Variants in SGIP1 observed in about 807,000 individuals in gnomAD.
The protein encoded by SGIP1 is SH3GL interacting endocytic adaptor 1.
SGIP1 carries 38 observed loss-of-function variants against 107.5 expected under a neutral mutation model. That is an observed-to-expected ratio of 0.35 (90% CI 0.27 to 0.46). The LOEUF is 0.46. Ranked by LOEUF, SGIP1 falls within the 20% of genes least tolerant of loss-of-function variation. SGIP1 has a pLI of 1.00. For synonymous variants in SGIP1, 365 were observed against 366.1 expected, an observed-to-expected ratio of 1.00 and a Z score of 0.03; for missense variants, 929 against 1,019.5, an observed-to-expected ratio of 0.91 and a Z score of 1.21.
chr1:66,648,082 A>T (rs2077983225), intron 7 of SGIP1, among the ~76,000 whole-genome samples: 1 of 152,172 alleles, frequency 6.6e-6, no homozygotes, highest in Non-Finnish European at 1.5e-5. Context: ...AAACTCAGGA[A>T]CTAGTAGGAG....
At chr1:66,591,359 G>A (rs953195431) in intron 1 of SGIP1, among the ~76,000 whole-genome samples, 2 of 152,162 alleles carry the variant, frequency 1.3e-5, no homozygotes, top group Non-Finnish European at 2.9e-5. Flanking sequence ...AATGATCTAG[G>A]TGATGAACAC....
At position 66,679,862 on chromosome 1, in the gene SGIP1, A is replaced by G. The variant is rs565133002; in HGVS notation, c.814+110A>G. 9 of 986,342 alleles carry G rather than the reference A, an allele frequency of 9.1e-6. No individual in the cohort carries two copies. The African/African-American group carries it at 1.2e-4, about 13-fold the overall frequency. The allele number at this position is 986,342 out of a possible 1,614,324, so 61.1% of individuals were successfully genotyped here. On this transcript the variant is annotated intron_variant, in intron 14 of 24. Coordinates refer to ENST00000371037, the MANE Select transcript of SGIP1 (RefSeq NM_032291.4). ...CTGTAGGCTACACAAAAACATCACA[A>G]TGTTGGCATTCAGTTTTGCTTTCAT...
At chr1:66,659,665 T>G (rs1038461717) in intron 7 of SGIP1, among the ~76,000 whole-genome samples, 13 of 152,064 alleles carry the variant, frequency 8.5e-5, no homozygotes, top group Admixed American at 8.5e-4. Flanking sequence ...ATCCCAGAAC[T>G]TTAAGAGGCT....
At chr1:66,598,975 A>G (rs557946130) in intron 1 of SGIP1, among the ~76,000 whole-genome samples, 2 of 152,316 alleles carry the variant, frequency 1.3e-5, no homozygotes, top group South Asian at 2.1e-4. Flanking sequence ...ATGTAGAAAA[A>G]ATGTACAGAA....
At chr1:66,699,577 G>A (rs554125471) in intron 18 of SGIP1, among the ~76,000 whole-genome samples, 26 of 152,174 alleles carry the variant, frequency 1.7e-4, no homozygotes, top group African/African-American at 6.3e-4. Context: ...CATTCCCCTG[G>A]CAAGTCTCAT....
At chr1:66,570,349 C>T (rs537227595) in intron 1 of SGIP1, among the ~76,000 whole-genome samples, 1 of 151,948 alleles carries the variant, frequency 6.6e-6, no homozygotes, top group South Asian at 2.1e-4. Flanking sequence ...TTGCTATAAT[C>T]CAGGTATGCA....
intron 19 of SGIP1, among the ~76,000 whole-genome samples, chr1:66,721,266 C>G (rs184334985): frequency 6.6e-6 from 1 of 152,284 alleles, no homozygotes; most frequent in East Asian, 1.9e-4. Context: ...CGTATTTGTT[C>G]TGTAGAATCT....
chr1:66,702,096 T>A (rs1208170080), intron 18 of SGIP1, among the ~76,000 whole-genome samples: 1 of 152,210 alleles, frequency 6.6e-6, no homozygotes, highest in Non-Finnish European at 1.5e-5. Flanking sequence ...CATTCTGAGC[T>A]AGCTACTCCA....
At chr1:66,664,561 T>G (rs779342450) in intron 8 of SGIP1, among the ~76,000 whole-genome samples, 3 of 152,196 alleles carry the variant, frequency 2.0e-5, no homozygotes, top group Non-Finnish European at 2.9e-5. Context: ...CTACTAGCTG[T>G]ATATCTCAGA....
intron 10 of SGIP1, among the ~76,000 whole-genome samples, chr1:66,671,514 T>G (rs1040407902): frequency 6.6e-6 from 1 of 152,208 alleles, no homozygotes; most frequent in African/African-American, 2.4e-5. Context: ...TCATGTTTCA[T>G]AGTTAAAGAT....
intron 1 of SGIP1, among the ~76,000 whole-genome samples, chr1:66,570,787 T>C (rs1453202216): frequency 6.6e-6 from 1 of 151,944 alleles, no homozygotes; most frequent in African/African-American, 2.4e-5. Context: ...TTTAAACTTG[T>C]AGTAAATTTC....
At chr1:66,693,107 G>C (rs994353775) in intron 17 of SGIP1, among the ~76,000 whole-genome samples, 2 of 151,992 alleles carry the variant, frequency 1.3e-5, no homozygotes, top group Non-Finnish European at 2.9e-5. Context: ...ATATGAAAAA[G>C]TGCACAGTTT....
chr1:66,651,923 T>C (rs1379450489), intron 7 of SGIP1, among the ~76,000 whole-genome samples: 1 of 152,204 alleles, frequency 6.6e-6, no homozygotes, highest in Non-Finnish European at 1.5e-5. Flanking sequence ...GCACTTTTTA[T>C]GTCAATGGCA....
At chr1:66,609,121 C>T (rs916279138) in intron 1 of SGIP1, among the ~76,000 whole-genome samples, 5 of 150,632 alleles carry the variant, frequency 3.3e-5, no homozygotes, top group African/African-American at 1.2e-4. Flanking sequence ...AGTCAGGACA[C>T]TGAACTAGGA....
chr1:66,542,024 C>T (rs1484191000), intron 1 of SGIP1, among the ~76,000 whole-genome samples: 1 of 152,144 alleles, frequency 6.6e-6, no homozygotes, highest in Non-Finnish European at 1.5e-5. Flanking sequence ...CCTCCCTTAT[C>T]TGCAGAGGAT....
chr1:66,741,551 C>G lies in SGIP1; in HGVS notation c.2464+115C>G. The G allele has an allele frequency of 3.7e-6, 4 of 1,091,694 alleles. No individual in the cohort carries two copies. The South Asian group carries it at 8.4e-5, about 23-fold the overall frequency. 67.6% of individuals were successfully genotyped at this position (1,091,694 alleles called of 1,614,324 possible). On this transcript the variant is annotated intron_variant, in intron 24 of 24. Coordinates refer to ENST00000371037, the MANE Select transcript of SGIP1 (RefSeq NM_032291.4). ...TCCTCCACCTCTTTCCCACTCCCAACCCCCATCCCAATTAGAAAACCAACC... is the reference window on the plus strand; with the variant it reads ...TCCTCCACCTCTTTCCCACTCCCAAGCCCCATCCCAATTAGAAAACCAACC...
chr1:66,630,891 G>T (rs2074292742), intron 2 of SGIP1, among the ~76,000 whole-genome samples: 1 of 55,708 alleles, frequency 1.8e-5, no homozygotes, highest in East Asian at 1.1e-3. Context: ...AAGAAAGAAA[G>T]AAAGAAAGAA....
At chr1:66,688,377 A>C (rs2088994640) in intron 15 of SGIP1, among the ~76,000 whole-genome samples, 1 of 152,224 alleles carries the variant, frequency 6.6e-6, no homozygotes, top group Admixed American at 6.5e-5. Flanking sequence ...ACTGATGTGC[A>C]TGCCAGCCTC....
intron 1 of SGIP1, among the ~76,000 whole-genome samples, chr1:66,614,942 C>A (rs1458124930): frequency 6.6e-6 from 1 of 151,286 alleles, no homozygotes; most frequent in African/African-American, 2.4e-5. Context: ...GCCTCAGCCT[C>A]CCAAGTAGCT....
Sources: allele counts gnomAD v4.1 joint callset (sites outside exome capture counted in the v4.1 genomes callset), GRCh38; gene constraint gnomAD v4.1.1; transcripts MANE v1.5; gene names NCBI Gene and HGNC (gene_info 2026-07-23, HGNC 2026-07-21).